Variants in SLC30A2 observed in about 807,000 individuals in gnomAD.
The protein encoded by SLC30A2 is proton-coupled zinc antiporter SLC30A2.
Under a neutral mutation model 39.6 loss-of-function variants are expected in SLC30A2, and 19 were observed. The ratio of observed to expected loss-of-function variants is 0.48; its 90% CI spans 0.34 to 0.70. The LOEUF (loss-of-function observed/expected upper bound fraction) is 0.70. SLC30A2 is among the 30% of genes least tolerant of loss of function. The probability of loss-of-function intolerance (pLI) is 0.01; values close to 1 mark genes in which losing one functional copy is unlikely to be tolerated. For synonymous variants in SLC30A2, 195 were observed against 194.8 expected (o/e 1.00, Z -0.01); for missense variants, 387 against 479.4 (o/e 0.81, Z 1.80).
At chr1:26,043,173 G>A (rs980717746) in intron 4 of SLC30A2, among the ~76,000 whole-genome samples, 3 of 152,210 alleles carry the variant, frequency 2.0e-5, no homozygotes, top group African/African-American at 7.2e-5. Flanking sequence ...ATCAGGGAGT[G>A]GGTAGAGTGG....
chr1:26,045,311 T>C (rs2050449078), intron 1 of SLC30A2, 94 bp from the exon 2 acceptor site: 1 of 1,016,648 alleles, frequency 9.8e-7, no homozygotes. Context: ...TTGTGTCCAC[T>C]GGGAAAAATA....
At chr1:26,042,818 T>C in intron 4 of SLC30A2, 110 bp from the exon 5 acceptor site, 1 of 990,804 alleles carries the variant, frequency 1.0e-6, no homozygotes, top group South Asian at 1.6e-5. Context: ...AACCTTGTGA[T>C]CTCTTTGGCC....
intron 4 of SLC30A2, among the ~76,000 whole-genome samples, 174 bp from the exon 5 acceptor site, chr1:26,042,882 G>T (rs1381900915): frequency 2.0e-5 from 3 of 152,194 alleles, no homozygotes; most frequent in Non-Finnish European, 2.9e-5. Context: ...GAGAGATAGG[G>T]CCCAGCGCCA....
At position 26,042,637 on chromosome 1, in the gene SLC30A2, G is replaced by C. The variant is rs1229501025; in HGVS notation, c.644C>G (p.Pro215Arg). 2 of 1,614,174 alleles carry C rather than the reference G, an allele frequency of 1.2e-6. No homozygotes were observed. ...ATGGATGAAGGCAGCTCGGACGCTG[G>C]GGTTCTCCTCCTGCTGGTTGGTGGT... The part of the protein sequence containing the change: ...HGTTNQQEEN[P>R]SVRAAFIHVI... The change falls in exon 5 of 8, where the codon CCC (proline) becomes CGC (arginine). Residue 215 changes from proline (P) to arginine (R), a missense_variant. Physicochemically the swap from Pro to Arg is moderately radical, Grantham distance 103. Transcript: ENST00000374276.
chr1:26,041,654 C>A (rs368895984), intron 6 of SLC30A2, 46 bp downstream of exon 6: 1 of 1,121,324 alleles, frequency 8.9e-7, no homozygotes, highest in South Asian at 1.2e-5. Context: ...AGCTGATTAG[C>A]GCTTGAGAGC....
intron 2 of SLC30A2, 28 bp from the exon 3 acceptor site, chr1:26,044,472 C>A (rs1183585567): frequency 6.2e-7 from 1 of 1,607,024 alleles, no homozygotes; most frequent in Non-Finnish European, 8.5e-7. Flanking sequence ...CTTATCAGCT[C>A]CCCCAGAGAG....
Position 26,039,428 on chromosome 1 carries a change from C to T in SLC30A2, c.974-123G>A, listed in dbSNP as rs539549518. The T allele has an allele frequency of 3.1e-5, 23 of 738,848 alleles. No individual in the cohort carries two copies. In the South Asian group the frequency reaches 4.2e-4, roughly 13 times the overall value. 45.8% of individuals were successfully genotyped at this position (738,848 alleles called of 1,614,324 possible). A position where few individuals can be genotyped will look rare whatever the true frequency, so the allele number is the denominator to read the frequency against. ...ATGGGGGACCATGAACATGGAGAAG[C>T]CCCCAGATTCCATTCCTCTGCCAGG... On this transcript the variant is annotated intron_variant, in intron 7 of 7. Transcript: ENST00000374276. This position sits in a 1 kb window ranked among gnomAD's most constrained non-coding sequence, Gnocchi z 4.3.
rs12040375 is a variant in SLC30A2 at position 26,040,406 on chromosome 1, G to A, written c.839-495C>T. On this transcript the variant is annotated intron_variant, in intron 6 of 7. Coordinates refer to ENST00000374276, the MANE Select transcript of SLC30A2 (RefSeq NM_001004434.3). ...TGGGACTACAGGCGCATGCCACCAC[G>A]CCCGGCTAATTTTTGTATTTTTGGT... is the stretch of plus-strand genomic sequence containing the variant. 2.7e-3 allele frequency among the ~76,000 whole-genome samples: 405 copies of A among 151,986 alleles called. 14 individuals carry two copies. In the East Asian group the frequency reaches 0.06, roughly 22 times the overall value.
chr1:26,045,724 C>A, intron 1 of SLC30A2, 123 bp downstream of exon 1: 3 of 1,495,586 alleles, frequency 2.0e-6, no homozygotes, highest in East Asian at 2.4e-5. Flanking sequence ...CTCACCTCAC[C>A]CCACCCCTCC....
intron 2 of SLC30A2, 80 bp downstream of exon 2, chr1:26,044,917 G>C (rs1557564401): frequency 8.8e-7 from 1 of 1,142,144 alleles, no homozygotes; most frequent in African/African-American, 1.5e-5. Flanking sequence ...TCAGTAATTG[G>C]GGCTTTTAGT....
In SLC30A2 at chr1:26,041,890, G is replaced by A. The variant is rs892967299; in HGVS notation, c.733-85C>T. 3.7e-6 allele frequency: 3 copies of A among 810,716 alleles called. No homozygotes were observed. In the African/African-American group the frequency reaches 5.1e-5, roughly 14 times the overall value. 50.2% of individuals were successfully genotyped at this position (810,716 alleles called of 1,614,324 possible). On this transcript the variant is annotated intron_variant, in intron 5 of 7. Transcript: ENST00000374276. ...TCCCCTCCCACCCAGCACTGCTGGG[G>A]AGAGGTGCTCTCTCTGCTGGGTGGG...
chr1:26,045,105 C>T lies in SLC30A2; in HGVS notation c.163G>A (p.Ala55Thr), dbSNP rs2050445236. The T allele has an allele frequency of 6.2e-7, 1 of 1,614,176 alleles. No homozygotes were observed. Among genetic ancestry groups the T allele is most frequent in the Non-Finnish European group, 8.5e-7 (1 of 1,180,032 alleles). Reference protein sequence around the residue: ...LAAQSNHHCHAQKGPDSHCDP... With the variant: ...LAAQSNHHCHTQKGPDSHCDP... ...CAGTGACTGTCAGGACCCTTCTGAG[C>T]ATGGCAGTGATGGTTGCTCTGGGCA... Residue 55 changes from alanine (A) to threonine (T), a missense_variant, in exon 2 of 8, where the codon GCT becomes ACT. By Grantham distance (58) the Ala-to-Thr change is moderately conservative (BLOSUM62 0). Transcript: ENST00000374276.
chr1:26,040,330 C>G (rs1569695616), intron 6 of SLC30A2, among the ~76,000 whole-genome samples: 1 of 152,094 alleles, frequency 6.6e-6, no homozygotes, highest in East Asian at 1.9e-4. Flanking sequence ...CTCACTGCAA[C>G]CTCTGCCTCC....
intron 4 of SLC30A2, 42 bp downstream of exon 4, chr1:26,043,356 G>A (rs796595101): frequency 1.3e-5 from 20 of 1,593,752 alleles, no homozygotes; most frequent in African/African-American, 1.2e-4. Flanking sequence ...TGTGAGAGGC[G>A]GGAGGAGGAG....
Position 26,039,732 on chromosome 1 carries a change from T to A in SLC30A2, c.973+45A>T. ...CCCGTTGGGGATGGCACTAGGCCTT[T>A]GGCTGCCTGTCTCCCACCCCACCCT... On this transcript the variant is annotated intron_variant, in intron 7 of 7. Coordinates refer to ENST00000374276, the MANE Select transcript of SLC30A2 (RefSeq NM_001004434.3). This position sits in a 1 kb window ranked among gnomAD's most constrained non-coding sequence, Gnocchi z 4.3. 1 of 1,594,104 alleles carries A rather than the reference T, an allele frequency of 6.3e-7. No homozygotes were observed. Among genetic ancestry groups the A allele is most frequent in the South Asian group, 1.1e-5 (1 of 89,088 alleles).
At position 26,045,939 on chromosome 1, in the gene SLC30A2, C is replaced by A; in HGVS notation, c.-43G>T. On this transcript the variant is annotated 5_prime_UTR_variant, in exon 1 of 8. Coordinates refer to ENST00000374276, the MANE Select transcript of SLC30A2 (RefSeq NM_001004434.3). ...CCCGGCAGCCGCGCAGCCGCCCCGCCGAGTGCGCCCTGAAAGTTGCGCGCG... is the reference window on the plus strand; with the variant it reads ...CCCGGCAGCCGCGCAGCCGCCCCGCAGAGTGCGCCCTGAAAGTTGCGCGCG... 2 of 1,603,400 alleles carry A rather than the reference C, an allele frequency of 1.2e-6. No homozygotes were observed. The highest frequency in any genetic ancestry group is 1.7e-6 in the Non-Finnish European group (2 of 1,178,328).
At position 26,041,763 on chromosome 1, in the gene SLC30A2, A is replaced by C. The variant is rs759768447; in HGVS notation, c.775T>G (p.Ser259Ala). ...AAGGTTGTCCCCAGGACCAGGATGG[A>C]GAAGACGAAGGTGCAGATGGGGTCT... ...YVDPICTFVF[S>A]ILVLGTTLTI... The change falls in exon 6 of 8, where the codon TCC (serine) becomes GCC (alanine). Residue 259 changes from serine (S) to alanine (A), a missense_variant. Coordinates refer to ENST00000374276, the MANE Select transcript of SLC30A2 (RefSeq NM_001004434.3). The C allele has an allele frequency of 1.2e-6, 2 of 1,613,906 alleles. No homozygotes were observed. The highest frequency in any genetic ancestry group is 1.7e-6 in the Non-Finnish European group (2 of 1,179,780).
chr1:26,039,634 TA>T lies in SLC30A2; in HGVS notation c.973+142del. ...ATGAGATTGTGCTGATCAGATGGAA[TA>T]ATGCGTATCAAGTACTCAGCATGAG... is the stretch of plus-strand genomic sequence containing the variant. On this transcript the variant is annotated intron_variant, in intron 7 of 7. Transcript: ENST00000374276. This position sits in a 1 kb window ranked among gnomAD's most constrained non-coding sequence, Gnocchi z 4.3. 2 of 809,688 alleles carry T rather than the reference TA, an allele frequency of 2.5e-6. No individual in the cohort carries two copies. The highest frequency in any genetic ancestry group is 3.9e-6 in the Non-Finnish European group (2 of 511,972). The allele number at this position is 809,688 out of a possible 1,614,324, so 50.2% of individuals were successfully genotyped here. A position where few individuals can be genotyped will look rare whatever the true frequency, so the allele number is the denominator to read the frequency against.
intron 4 of SLC30A2, 60 bp downstream of exon 4, chr1:26,043,338 G>A: frequency 6.5e-7 from 1 of 1,530,726 alleles, no homozygotes; most frequent in Non-Finnish European, 9.0e-7. Flanking sequence ...AGCAGACATA[G>A]GTGTGGGTGT....
Sources: allele counts gnomAD v4.1 joint callset (sites outside exome capture counted in the v4.1 genomes callset), GRCh38; gene constraint gnomAD v4.1.1; non-coding constraint Gnocchi (gnomAD v3.1); transcripts MANE v1.5; gene names NCBI Gene and HGNC (gene_info 2026-07-23, HGNC 2026-07-21).